Variants in EPRS1 observed in about 807,000 individuals in gnomAD.
The protein encoded by EPRS1 is glutamyl-prolyl-tRNA synthetase 1.
EPRS1 carries 107 observed loss-of-function variants against 188.3 expected under a neutral mutation model. The observed-to-expected ratio is 0.57, with a 90% CI of 0.49 to 0.67. The LOEUF (loss-of-function observed/expected upper bound fraction) is 0.67, where lower values mean the gene tolerates loss of function less well. EPRS1 is among the 30% of genes least tolerant of loss of function. The pLI is 0.00. For synonymous variants in EPRS1, 596 were observed against 593.1 expected, an observed-to-expected ratio of 1.00 and a Z score of -0.07; for missense variants, 1,577 against 1,802.2, an observed-to-expected ratio of 0.88 and a Z score of 2.26.
intron 1 of EPRS1, among the ~76,000 whole-genome samples, chr1:220,041,236 G>A (rs1662288051): frequency 6.6e-6 from 1 of 152,032 alleles, no homozygotes; most frequent in Non-Finnish European, 1.5e-5. Context: ...GGGGGCTGAG[G>A]TGGCAGGACT....
At chr1:220,018,616 C>T (rs954881521) in intron 11 of EPRS1, 108 bp from the exon 12 acceptor site, 7 of 743,186 alleles carry the variant, frequency 9.4e-6, no homozygotes, top group Non-Finnish European at 1.6e-5. Flanking sequence ...TCGATAAATA[C>T]TTTCAAGTTT....
At chr1:219,971,871 TTA>T (rs1553317970) in intron 30 of EPRS1, among the ~76,000 whole-genome samples, 196 bp downstream of exon 30, 5 of 147,866 alleles carry the variant, frequency 3.4e-5, no homozygotes, top group East Asian at 2.0e-4. Context: ...GATTATATAT[TTA>T]TATGACATAT....
chr1:220,012,871 C>G (rs1661633257), intron 12 of EPRS1, among the ~76,000 whole-genome samples: 1 of 152,294 alleles, frequency 6.6e-6, no homozygotes, highest in Non-Finnish European at 1.5e-5. Flanking sequence ...CATACTTCAA[C>G]CAGAACAGCT....
At chr1:219,969,828 A>AT (rs570999239) in intron 30 of EPRS1, among the ~76,000 whole-genome samples, 177 of 150,510 alleles carry the variant, frequency 1.2e-3, no homozygotes, top group Non-Finnish European at 1.7e-3. Context: ...TTAAAAAAAA[A>AT]TTTTTTTTTT....
At chr1:220,001,418 T>C (rs1218862177) in intron 16 of EPRS1, among the ~76,000 whole-genome samples, 163 bp from the exon 17 acceptor site, 1 of 152,184 alleles carries the variant, frequency 6.6e-6, no homozygotes, top group Non-Finnish European at 1.5e-5. Context: ...CAGGCTGGAA[T>C]GTAGTGATGT....
In EPRS1 at chr1:220,021,524, C is replaced by G. The variant is rs76459225; in HGVS notation, c.1115+823G>C. ...ATTATACATTCTAACTTTTAAGATA[C>G]AACTTGATTAAGATGCTACTGCATT... On this transcript the variant is annotated intron_variant, in intron 9 of 31. Transcript: ENST00000366923. Among the ~76,000 whole-genome samples the G allele has an allele frequency of 2.4e-4, 36 of 152,244 alleles. No individual in the cohort carries two copies. The East Asian group carries it at 6.9e-3, about 29-fold the overall frequency.
chr1:219,981,870 T>A (rs1254217645), intron 23 of EPRS1, among the ~76,000 whole-genome samples: 4 of 152,224 alleles, frequency 2.6e-5, no homozygotes, highest in Non-Finnish European at 4.4e-5. Context: ...TTTAAAGACG[T>A]GGAAAGCTGA....
At chr1:219,973,543 A>C in intron 28 of EPRS1, 145 bp from the exon 29 acceptor site, 1 of 507,810 alleles carries the variant, frequency 2.0e-6, no homozygotes, top group Admixed American at 3.6e-5. Context: ...AAAAAAAAAA[A>C]CAGGTAATAC....
chr1:220,007,479 A>G (rs1661513806), intron 13 of EPRS1, 141 bp from the exon 14 acceptor site: 1 of 679,140 alleles, frequency 1.5e-6, no homozygotes, highest in South Asian at 2.4e-5. Flanking sequence ...TTGCTGTATT[A>G]GGAAGAAAAT....
At chr1:220,008,054 C>A (rs2102581656) in intron 13 of EPRS1, among the ~76,000 whole-genome samples, 1 of 150,596 alleles carries the variant, frequency 6.6e-6, no homozygotes, top group South Asian at 2.1e-4. Flanking sequence ...CTGCAGTGAG[C>A]CGAGATTGCA....
intron 18 of EPRS1, among the ~76,000 whole-genome samples, chr1:219,995,366 G>T (rs1043048501): frequency 4.6e-5 from 7 of 152,094 alleles, no homozygotes; most frequent in African/African-American, 1.7e-4. Flanking sequence ...CCAAAAATTG[G>T]CACAGAATCT....
At position 219,989,796 on chromosome 1, in the gene EPRS1, G is replaced by A. The variant is rs148932735; in HGVS notation, c.2542-973C>T. Among the ~76,000 whole-genome samples the A allele has an allele frequency of 8.2e-4, 125 of 152,214 alleles. 1 individual carries two copies. The East Asian group carries it at 0.019, about 23-fold the overall frequency. ...TACCACACAAAGGTAGTAAAATTAA[G>A]AGAAAATGTACAAAGAGAAGATGAG... On this transcript the variant is annotated intron_variant, in intron 18 of 31. Transcript: ENST00000366923.
chr1:219,988,031 T>C (rs974707826), intron 19 of EPRS1, among the ~76,000 whole-genome samples: 1 of 152,202 alleles, frequency 6.6e-6, no homozygotes, highest in African/African-American at 2.4e-5. Flanking sequence ...AAGTTGAACA[T>C]TTCACAATTA....
At chr1:220,042,099 T>TGCTC (rs1662306527) in intron 1 of EPRS1, among the ~76,000 whole-genome samples, 6 of 131,506 alleles carry the variant, frequency 4.6e-5, no homozygotes, top group South Asian at 2.4e-4. Context: ...GAGGACCACT[T>TGCTC]GAACCTAGGA....
In EPRS1 at chr1:219,980,782, C is replaced by A. The variant is rs1264260390; in HGVS notation, c.3529G>T (p.Ala1177Ser). 1 of 1,612,814 alleles carries A rather than the reference C, an allele frequency of 6.2e-7. No individual in the cohort carries two copies. Among genetic ancestry groups the A allele is most frequent in the Admixed American group, 1.7e-5 (1 of 59,942 alleles). Residue 1177 changes from alanine to serine, a missense_variant, in exon 25 of 32, where the codon GCT becomes TCT. Coordinates refer to ENST00000366923, the MANE Select transcript of EPRS1 (RefSeq NM_004446.3). ...FLWQEGHSAF[A>S]TMEEAAEEVL... is the part of the protein sequence containing the mutation. ...TCTTCCGCTGCCTCTTCCATGGTAGCAAAAGCACTGTGCCCTTCCTGCCAA... is the reference window on the plus strand; with the variant it reads ...TCTTCCGCTGCCTCTTCCATGGTAGAAAAAGCACTGTGCCCTTCCTGCCAA...
chr1:219,996,897 G>A (rs1661245369), intron 18 of EPRS1, 86 bp downstream of exon 18: 8 of 1,324,546 alleles, frequency 6.0e-6, no homozygotes, highest in Non-Finnish European at 8.2e-6. Flanking sequence ...ATGAGCAGTC[G>A]ATGTTTTATA....
At chr1:220,005,082 G>A (rs1031443153) in intron 16 of EPRS1, among the ~76,000 whole-genome samples, 166 bp downstream of exon 16, 1 of 152,134 alleles carries the variant, frequency 6.6e-6, no homozygotes, top group African/African-American at 2.4e-5. Context: ...AAGATCACTT[G>A]TTAAAATAAA....
chr1:220,000,541 A>T (rs995850843), intron 17 of EPRS1, among the ~76,000 whole-genome samples: 1 of 152,210 alleles, frequency 6.6e-6, no homozygotes, highest in Non-Finnish European at 1.5e-5. Context: ...TATTTTGGAA[A>T]ATTTTTTTTA....
chr1:220,033,260 AGAAG>A (rs1662118233), intron 4 of EPRS1, among the ~76,000 whole-genome samples: 3 of 141,510 alleles, frequency 2.1e-5, no homozygotes, highest in African/African-American at 7.9e-5. Flanking sequence ...TCCAAAGGCA[AGAAG>A]GAAGTTGGGG....
Sources: gnomAD v4.1 joint callset for allele counts (sites outside exome capture counted in the v4.1 genomes callset) on GRCh38, gnomAD v4.1.1 for gene constraint, MANE v1.5 for transcripts, NCBI Gene and HGNC (gene_info 2026-07-23, HGNC 2026-07-21) for gene names.